The following MAP3K7CL variants were observed in gnomAD, a reference collection of about 807,000 sequenced individuals.
MAP3K7CL encodes the protein MAP3K7 C-terminal like, also known as MAP3K7 C-terminal-like protein.
A neutral mutation model predicts 18.6 loss-of-function variants in MAP3K7CL; 16 were observed. That is an observed-to-expected ratio of 0.86 (90% CI 0.58 to 1.31). The LOEUF is 1.31. Ranked by LOEUF, MAP3K7CL falls within the 50% of genes most tolerant of loss-of-function variation. The pLI is 0.00. For missense variants in MAP3K7CL, 163 were observed against 174.4 expected (o/e 0.93, Z 0.37); for synonymous variants, 65 against 66.8 (o/e 0.97, Z 0.13).
chr21:29,099,693 T>C (rs1247799605), intron 4 of MAP3K7CL, among the ~76,000 whole-genome samples: 1 of 152,134 alleles, frequency 6.6e-6, no homozygotes, highest in East Asian at 1.9e-4. Flanking sequence ...GTGAAGATAT[T>C]GCAACATAAC....
chr21:29,157,697 A>G (rs7283791), intron 3 of MAP3K7CL, among the ~76,000 whole-genome samples: 4,881 of 152,294 alleles, frequency 0.032, 279 homozygotes, highest in African/African-American at 0.11. Context: ...AGATAACAAC[A>G]TCTTGAATTT....
At chr21:29,148,071 A>G (rs1164515174) in intron 2 of MAP3K7CL, among the ~76,000 whole-genome samples, 1 of 151,906 alleles carries the variant, frequency 6.6e-6, no homozygotes, top group Non-Finnish European at 1.5e-5. Flanking sequence ...CTGTATATGT[A>G]TCTGTGCTAT....
intron 4 of MAP3K7CL, among the ~76,000 whole-genome samples, chr21:29,099,934 T>C (rs995032815): frequency 3.3e-5 from 5 of 151,576 alleles, no homozygotes; most frequent in Admixed American, 3.3e-4. Flanking sequence ...ATACAAAAAA[T>C]TAGCCGGGCG....
chr21:29,097,069 A>AG (rs1161999268), intron 4 of MAP3K7CL, among the ~76,000 whole-genome samples: 7 of 152,144 alleles, frequency 4.6e-5, no homozygotes, highest in Non-Finnish European at 2.9e-5. Context: ...GGGGGATGAG[A>AG]GGAGTATTGT....
chr21:29,093,386 T>C lies in MAP3K7CL; in HGVS notation c.370+805T>C, dbSNP rs368574468. On this transcript the variant is annotated intron_variant, in intron 4 of 6. Transcript: ENST00000286791. Reference sequence around the variant, plus strand: ...GAATTTTTTACCAAGAGCAATAATATTGTTAAAGACTAGAAATAACCCCTC... The same window carrying C: ...GAATTTTTTACCAAGAGCAATAATACTGTTAAAGACTAGAAATAACCCCTC... Among the ~76,000 whole-genome samples, 11 of 152,352 alleles carry C rather than the reference T, an allele frequency of 7.2e-5. 1 individual carries two copies. The East Asian group carries it at 1.9e-3, about 27-fold the overall frequency.
rs2086582342 is a variant in MAP3K7CL at position 29,120,949 on chromosome 21, C to T, written c.371-28240C>T. Among the ~76,000 whole-genome samples, 7 of 149,338 alleles carry T rather than the reference C, an allele frequency of 4.7e-5. No individual in the cohort carries two copies. In the Admixed American group the frequency reaches 4.7e-4, roughly 10 times the overall value. On this transcript the variant is annotated intron_variant, in intron 4 of 6. Coordinates refer to the MAP3K7CL transcript ENST00000286791. ...GGCATGGTGACATATACCTGTAGTT[C>T]CGGCTACTTGGGAGTCTGAGGTGGG...
At chr21:29,098,202 C>G (rs967328102) in intron 4 of MAP3K7CL, among the ~76,000 whole-genome samples, 1 of 152,156 alleles carries the variant, frequency 6.6e-6, no homozygotes, top group African/African-American at 2.4e-5. Flanking sequence ...AGTCAGTTCC[C>G]TTTCTTTGGA....
chr21:29,135,652 C>T (rs896887996), intron 2 of MAP3K7CL, among the ~76,000 whole-genome samples: 3 of 152,166 alleles, frequency 2.0e-5, no homozygotes, highest in Admixed American at 6.5e-5. Flanking sequence ...ATTAATTTGT[C>T]ACCATTCTTT....
chr21:29,141,458 A>G (rs997925785), intron 2 of MAP3K7CL, among the ~76,000 whole-genome samples: 1 of 151,784 alleles, frequency 6.6e-6, no homozygotes, highest in African/African-American at 2.4e-5. Flanking sequence ...GGTTGCAGAG[A>G]GCCGAGATTG....
upstream of MAP3K7CL, among the ~76,000 whole-genome samples, chr21:29,084,651 A>G (rs1191647863): frequency 2.0e-5 from 3 of 152,200 alleles, no homozygotes; most frequent in African/African-American, 2.4e-5. Flanking sequence ...TCTCATTGCT[A>G]TTTGATTAGA....
At chr21:29,133,246 C>G (rs1447848863) in intron 1 of MAP3K7CL, 60 bp from the exon 2 acceptor site, 1 of 1,308,328 alleles carries the variant, frequency 7.6e-7, no homozygotes, top group African/African-American at 1.5e-5. Context: ...CCAAGGGCCT[C>G]TGAGTATTTA....
At chr21:29,151,825 T>G (rs2087282999) in intron 3 of MAP3K7CL, among the ~76,000 whole-genome samples, 2 of 152,248 alleles carry the variant, frequency 1.3e-5, no homozygotes, top group South Asian at 4.1e-4. Flanking sequence ...ATTTTTCTGT[T>G]AAAGCATTGC....
chr21:29,136,987 C>T (rs2086900428), intron 2 of MAP3K7CL, among the ~76,000 whole-genome samples: 1 of 152,218 alleles, frequency 6.6e-6, no homozygotes, highest in Non-Finnish European at 1.5e-5. Flanking sequence ...GATCATTCCA[C>T]CTTGCTGAAA....
Position 29,174,726 on chromosome 21 carries a change from C to T in MAP3K7CL, c.263C>T (p.Ala88Val). Residue 88 changes from alanine (A) to valine (V), a missense_variant, in exon 5 of 5, where the codon GCC (alanine) becomes GTC (valine). Transcript: ENST00000399928. Reference protein sequence around the residue: ...LLEQRKKELIAKLDQAEKEKV... With the variant: ...LLEQRKKELIVKLDQAEKEKV... ...CGAATCTTCAGGAAGGAGCTCATTGCCAAGTTAGATCAGGCAGAAAAGGAG... is the reference window on the plus strand; with the variant it reads ...CGAATCTTCAGGAAGGAGCTCATTGTCAAGTTAGATCAGGCAGAAAAGGAG... 1.9e-6 allele frequency: 3 copies of T among 1,614,062 alleles called. No individual in the cohort carries two copies. The highest frequency in any genetic ancestry group is 2.5e-6 in the Non-Finnish European group (3 of 1,179,992).
At chr21:29,097,775 T>C (rs2086149043) in intron 4 of MAP3K7CL, among the ~76,000 whole-genome samples, 1 of 152,188 alleles carries the variant, frequency 6.6e-6, no homozygotes, top group South Asian at 2.1e-4. Context: ...ACTAATGTTA[T>C]AATATTGGGA....
intron 4 of MAP3K7CL, among the ~76,000 whole-genome samples, chr21:29,163,209 A>G (rs1403892072): frequency 6.6e-6 from 1 of 152,228 alleles, no homozygotes; most frequent in African/African-American, 2.4e-5. Flanking sequence ...TCCAGACCAC[A>G]TACAAGTGGG....
At chr21:29,086,204 C>T (rs1475890113) in intron 1 of MAP3K7CL, among the ~76,000 whole-genome samples, 5 of 152,070 alleles carry the variant, frequency 3.3e-5, no homozygotes, top group Admixed American at 6.5e-5. Context: ...TGATATCCTG[C>T]GGAAAAAATA....
chr21:29,172,245 T>TTC (rs1555879558), intron 4 of MAP3K7CL, among the ~76,000 whole-genome samples: 2 of 149,602 alleles, frequency 1.3e-5, no homozygotes, highest in African/African-American at 4.9e-5. Context: ...CATTTTCTTT[T>TTC]TTTTTTTTTT....
At chr21:29,159,593 A>G (rs557601257) in intron 3 of MAP3K7CL, among the ~76,000 whole-genome samples, 1 of 152,350 alleles carries the variant, frequency 6.6e-6, no homozygotes, top group Admixed American at 6.5e-5. Flanking sequence ...TCTCTAAAGC[A>G]AAGTCTAAGA....
Sources: gnomAD v4.1 joint callset for allele counts (sites outside exome capture counted in the v4.1 genomes callset) on GRCh38, gnomAD v4.1.1 for gene constraint, MANE v1.5 for transcripts, NCBI Gene and HGNC (gene_info 2026-07-23, HGNC 2026-07-21) for gene names.